The following PRSS33 variants were observed in gnomAD, a reference collection of about 807,000 sequenced individuals.
The protein encoded by PRSS33 is protease, serine 33.
PRSS33 carries 32 observed loss-of-function variants against 26.7 expected under a neutral mutation model. The observed-to-expected ratio is 1.20, with a 90% CI of 0.90 to 1.61. PRSS33 has a LOEUF of 1.61. Ranked by LOEUF, PRSS33 falls within the 40% of genes most tolerant of loss-of-function variation. The probability of loss-of-function intolerance (pLI) is 0.00; values close to 1 mark genes in which losing one functional copy is unlikely to be tolerated. For synonymous variants in PRSS33, 192 were observed against 177.6 expected (o/e 1.08, Z -0.64); for missense variants, 450 against 396.3 (o/e 1.14, Z -1.15).
chr16:2,784,953 G>C (rs2068854767), intron 6 of PRSS33, 49 bp downstream of exon 6: 2 of 1,575,984 alleles, frequency 1.3e-6, no homozygotes, highest in South Asian at 2.3e-5. Flanking sequence ...GAGGGAGGGT[G>C]CTGGGCACAG....
chr16:2,785,230 G>A lies in PRSS33; in HGVS notation c.515-59C>T, dbSNP rs974807921. The A allele has an allele frequency of 6.1e-6, 9 of 1,476,664 alleles. No individual in the cohort carries two copies. The African/African-American group carries it at 1.3e-4, about 21-fold the overall frequency. 91.5% of individuals were successfully genotyped at this position (1,476,664 alleles called of 1,614,324 possible). On this transcript the variant is annotated intron_variant, in intron 5 of 6. Coordinates refer to ENST00000682474, the MANE Select transcript of PRSS33 (RefSeq NM_152891.3). Reference sequence around the variant, plus strand: ...CGTGGAGCGGGGGCCAGTGGGAGAAGCTGAGCTCTGAGTGAGAGGAGGTTT... The same window carrying A: ...CGTGGAGCGGGGGCCAGTGGGAGAAACTGAGCTCTGAGTGAGAGGAGGTTT...
In PRSS33 at chr16:2,785,396, A is replaced by G. The variant is rs2068860964; in HGVS notation, c.493T>C (p.Trp165Arg). Residue 165 changes from tryptophan (W) to arginine (R), a missense_variant, in exon 5 of 7, where the codon TGG (tryptophan) becomes CGG (arginine). Trp to Arg is a moderately radical substitution (Grantham distance 101). Coordinates refer to ENST00000682474, the MANE Select transcript of PRSS33 (RefSeq NM_152891.3). ...PPGTPCRVTG[W>R]GSLRPGVPLP... The stretch of plus-strand genomic sequence containing the variant: ...TTACCTCCTGGGCGGAGGCTGCCCC[A>G]GCCGGTGACCCGGCATGGTGTGCCG... 5.6e-6 allele frequency: 8 copies of G among 1,432,558 alleles called. No individual in the cohort carries two copies. The highest frequency in any genetic ancestry group is 5.3e-5 in the East Asian group (2 of 37,566). The allele number at this position is 1,432,558 out of a possible 1,614,324, so 88.7% of individuals were successfully genotyped here.
At chr16:2,786,727 C>T (rs2068878178) in intron 1 of PRSS33, 123 bp from the exon 2 acceptor site, 2 of 658,748 alleles carry the variant, frequency 3.0e-6, no homozygotes, top group Non-Finnish European at 2.6e-6. Context: ...CTGGACTTAT[C>T]CTGGTGGCCC....
At position 2,785,523 on chromosome 16, in the gene PRSS33, C is replaced by T; in HGVS notation, c.366G>A (p.Gly122=). The T allele has an allele frequency of 6.6e-7, 1 of 1,524,178 alleles. No individual in the cohort carries two copies. The highest frequency in any genetic ancestry group is 8.7e-7 in the Non-Finnish European group (1 of 1,143,098). The allele number at this position is 1,524,178 out of a possible 1,614,324, so 94.4% of individuals were successfully genotyped here. A position where few individuals can be genotyped will look rare whatever the true frequency, so the allele number is the denominator to read the frequency against. ...GCAGCAGTGCCAGGTCGCCGCGGGC[C>T]CCGTCCTCGGAGTAGTCCGGGGGCA... ...VLLPPDYSED[G]ARGDLALLQL... The change falls in exon 5 of 7, where the codon GGG becomes GGA. Residue 122 remains glycine, a synonymous_variant. Coordinates refer to ENST00000682474, the MANE Select transcript of PRSS33 (RefSeq NM_152891.3).
intron 1 of PRSS33, 192 bp from the exon 2 acceptor site, chr16:2,786,796 A>G (rs1487748885): frequency 2.3e-6 from 1 of 436,432 alleles, no homozygotes; most frequent in Non-Finnish European, 4.1e-6. Flanking sequence ...CCACCCAGAT[A>G]TTTGGGCATC....
chr16:2,785,212 C>G, intron 5 of PRSS33, 41 bp from the exon 6 acceptor site: 1 of 1,505,822 alleles, frequency 6.6e-7, no homozygotes. Flanking sequence ...AGGCGTGGAG[C>G]GGGGGCCAGT....
rs751956445 is a variant in PRSS33 at position 2,785,099 on chromosome 16, A to G, written c.587T>C (p.Leu196Pro). ...GGGCACGTCCGCGCCCACGTGGTAG[A>G]GGCCGTCGCAGGTGCGCGAGTCCAG... ...PLLDSRTCDG[L>P]YHVGADVPQA... Residue 196 changes from leucine to proline, a missense_variant, in exon 6 of 7, where the codon CTC (leucine) becomes CCC (proline). By Grantham distance (98) the Leu-to-Pro change is moderately conservative. Transcript: ENST00000682474. 2 of 1,552,552 alleles carry G rather than the reference A, an allele frequency of 1.3e-6. No homozygotes were observed. Among genetic ancestry groups the G allele is most frequent in the South Asian group, 1.2e-5 (1 of 84,560 alleles).
At chr16:2,786,754 G>C (rs113635055) in intron 1 of PRSS33, 150 bp from the exon 2 acceptor site, 12 of 573,528 alleles carry the variant, frequency 2.1e-5, no homozygotes, top group African/African-American at 7.6e-5. Flanking sequence ...TATACCCTTC[G>C]TTCTGCCCAG....
chr16:2,786,645 G>T, intron 1 of PRSS33, 41 bp from the exon 2 acceptor site: 1 of 1,392,498 alleles, frequency 7.2e-7, no homozygotes. Context: ...CCTGGCCCAG[G>T]GGCACCAATC....
Position 2,785,448 on chromosome 16 carries a change from C to G in PRSS33, c.441G>C (p.Leu147=). The stretch of plus-strand genomic sequence containing the variant: ...GCGGCGGGCGGGCGCCGGGCACGGG[C>G]AGGCAGACGGGTTGGACGCGAGCGC... The part of the protein sequence containing the change: ...PLSARVQPVC[L]PVPGARPPPG... The change falls in exon 5 of 7, where the codon CTG becomes CTC. Residue 147 remains leucine (L), a synonymous_variant. Transcript: ENST00000682474. 1 of 1,498,884 alleles carries G rather than the reference C, an allele frequency of 6.7e-7. No individual in the cohort carries two copies. Among genetic ancestry groups the G allele is most frequent in the African/African-American group, 1.4e-5 (1 of 69,422 alleles). 92.8% of individuals were successfully genotyped at this position (1,498,884 alleles called of 1,614,324 possible).
In PRSS33 at chr16:2,786,082, T is replaced by C; in HGVS notation, c.79+7A>G. Reference sequence around the variant, plus strand: ...GCTGACTCGGGTGGACTCCGAGGCTTCCTCACCTGCAGACTTCCTTCCCTG... The same window carrying C: ...GCTGACTCGGGTGGACTCCGAGGCTCCCTCACCTGCAGACTTCCTTCCCTG... On this transcript the variant is annotated splice_region_variant and intron_variant, in intron 3 of 6. Transcript: ENST00000682474. The C allele has an allele frequency of 1.9e-6, 3 of 1,613,404 alleles. No individual in the cohort carries two copies. Among genetic ancestry groups the C allele is most frequent in the Non-Finnish European group, 2.5e-6 (3 of 1,179,698 alleles).
chr16:2,785,219 C>A, intron 5 of PRSS33, 48 bp from the exon 6 acceptor site: 1 of 1,497,432 alleles, frequency 6.7e-7, no homozygotes, highest in Non-Finnish European at 8.9e-7. Flanking sequence ...GAGCGGGGGC[C>A]AGTGGGAGAA....
rs1306532861 is a variant in PRSS33, at chr16:2,785,939, G to C, written c.102C>G (p.Ser34=). ...KSAACGQPRM[S]SRIVGGRDGR... ...CATCCCGGCCCCCAACGATCCGACT[G>C]GACATGCGGGGCTGCCCGCAGGCTA... Residue 34 remains serine (S), a synonymous_variant, in exon 4 of 7, where the codon TCC becomes TCG. Transcript: ENST00000682474. The C allele has an allele frequency of 1.9e-6, 3 of 1,612,528 alleles. No homozygotes were observed. The African/African-American group carries it at 4.0e-5, about 22-fold the overall frequency.
At chr16:2,786,220 T>G in intron 2 of PRSS33, 99 bp from the exon 3 acceptor site, 1 of 1,128,872 alleles carries the variant, frequency 8.9e-7, no homozygotes, top group Non-Finnish European at 1.3e-6. Flanking sequence ...TGAAACAATG[T>G]TGCCCTGACA....
At chr16:2,787,497 C>T (rs1462349380) in intron 1 of PRSS33, among the ~76,000 whole-genome samples, 36 bp downstream of exon 1, 1 of 135,502 alleles carries the variant, frequency 7.4e-6, no homozygotes, top group Non-Finnish European at 1.5e-5. Flanking sequence ...CCACTGGCTG[C>T]CCCTGCAGCC....
Position 2,785,024 on chromosome 16 carries a change from T to TG in PRSS33, c.661dup (p.Gln221ProfsTer10). 1 of 1,595,194 alleles carries TG rather than the reference T, an allele frequency of 6.3e-7. No individual in the cohort carries two copies. Among genetic ancestry groups the TG allele is most frequent in the African/African-American group, 1.3e-5 (1 of 74,760 alleles). On this transcript the variant is annotated frameshift_variant, in exon 6 of 7. Coordinates refer to ENST00000682474, the MANE Select transcript of PRSS33 (RefSeq NM_152891.3). LOFTEE classifies it low-confidence loss of function (END_TRUNC). ...CACCTGGCAGGCGTCCTTGTGGCCC[T>TG]GGGGGTAGCCGGCACACAGACTCCC...
rs527393577 is a variant in PRSS33, at chr16:2,786,746, T to C, written c.-57-142A>G. 117 of 595,568 alleles carry C rather than the reference T, an allele frequency of 2.0e-4. No homozygotes were observed. In the Middle Eastern group the frequency reaches 2.7e-3, roughly 14 times the overall value. 36.9% of individuals were successfully genotyped at this position (595,568 alleles called of 1,614,324 possible). ...ACTTATCCTGGTGGCCCAGGCTGTA[T>C]ACCCTTCGTTCTGCCCAGGGCCCAG... On this transcript the variant is annotated intron_variant, in intron 1 of 6. Coordinates refer to ENST00000682474, the MANE Select transcript of PRSS33 (RefSeq NM_152891.3).
chr16:2,785,900 C>T lies in PRSS33; in HGVS notation c.141G>A (p.Glu47=), dbSNP rs2068868699. 6.2e-7 allele frequency: 1 copy of T among 1,611,482 alleles called. No homozygotes were observed. Among genetic ancestry groups the T allele is most frequent in the Non-Finnish European group, 8.5e-7 (1 of 1,179,490 alleles). Residue 47 remains glutamate (E), a synonymous_variant, in exon 4 of 7, where the codon GAG becomes GAA. Transcript: ENST00000682474. The part of the protein sequence containing the change: ...IVGGRDGRDG[E]WPWQASIQHR... ...GCTGGATGCTCGCCTGCCACGGCCA[C>T]TCTCCGTCCCGGCCATCCCGGCCCC...
intron 4 of PRSS33, 42 bp from the exon 5 acceptor site, chr16:2,785,688 T>C: frequency 6.8e-7 from 1 of 1,466,758 alleles, no homozygotes; most frequent in South Asian, 1.3e-5. Context: ...CACCGGGTCC[T>C]CGACCCCCTC....
Sources: allele counts gnomAD v4.1 joint callset (sites outside exome capture counted in the v4.1 genomes callset), GRCh38; gene constraint gnomAD v4.1.1; transcripts MANE v1.5; gene names NCBI Gene and HGNC (gene_info 2026-07-23, HGNC 2026-07-21).